Variants in MED12L observed in about 807,000 individuals in gnomAD.
MED12L encodes the protein mediator of RNA polymerase II transcription subunit 12-like protein.
Under a neutral mutation model 281.3 loss-of-function variants are expected in MED12L, and 60 were observed. That is an observed-to-expected ratio of 0.21 (90% CI 0.17 to 0.26). The LOEUF (loss-of-function observed/expected upper bound fraction) is 0.26. Ranked by LOEUF, MED12L falls within the 10% of genes least tolerant of loss-of-function variation. MED12L has a pLI of 1.00. For missense variants in MED12L, 2,146 were observed against 2,680.9 expected, an observed-to-expected ratio of 0.80 and a Z score of 4.41; for synonymous variants, 974 against 987.2, an observed-to-expected ratio of 0.99 and a Z score of 0.25.
At position 151,369,482 on chromosome 3, in the gene MED12L, A is replaced by T. The variant is rs1343117485; in HGVS notation, c.3597A>T (p.Leu1199Phe). 1 of 1,612,272 alleles carries T rather than the reference A, an allele frequency of 6.2e-7. No individual in the cohort carries two copies. Among genetic ancestry groups the T allele is most frequent in the Non-Finnish European group, 8.5e-7 (1 of 1,178,872 alleles). Residue 1199 changes from leucine to phenylalanine, a missense_variant, in exon 26 of 45, where the codon TTA becomes TTT. Leu to Phe is a conservative substitution (Grantham distance 22, BLOSUM62 0). This residue lies in a region of MED12L where 404 missense variants were observed against 603.5 expected (regional missense o/e 0.67). Coordinates refer to ENST00000687756, the MANE Select transcript of MED12L (RefSeq NM_001393769.1). ...GATCATCTTGTGATAGACACCTCTT[A>T]GCCGCTGCTCACAACAGCATTGAAG... Reference protein sequence around the residue: ...GIRSSCDRHLLAAAHNSIEVG... With the variant: ...GIRSSCDRHLFAAAHNSIEVG...
intron 25 of MED12L, 71 bp downstream of exon 25, chr3:151,368,322 C>T (rs1398249053): frequency 3.1e-6 from 4 of 1,290,938 alleles, no homozygotes; most frequent in Non-Finnish European, 2.2e-6. Context: ...ACCAAATAGG[C>T]TGTCCCTTTC....
At position 151,242,167 on chromosome 3, in the gene MED12L, C is replaced by G. The variant is rs569839896; in HGVS notation, c.2250+48501C>G. Among the ~76,000 whole-genome samples the G allele has an allele frequency of 3.3e-5, 5 of 152,284 alleles. No homozygotes were observed. The South Asian group carries it at 1.0e-3, about 32-fold the overall frequency. On this transcript the variant is annotated intron_variant, in intron 16 of 44. Coordinates refer to ENST00000687756, the MANE Select transcript of MED12L (RefSeq NM_001393769.1). ...GATTGCTAGCACAGCAGTCTGAGAT[C>G]AAACTGCAAGGCAGCAACACGGCTG...
rs1383780730 is a variant in MED12L at position 151,141,174 on chromosome 3, T to TG, written c.556+13190_556+13191insG. Among the ~76,000 whole-genome samples the TG allele has an allele frequency of 9.1e-3, 1,118 of 122,714 alleles. 36 individuals are homozygous for TG. Among genetic ancestry groups the TG allele is most frequent in the African/African-American group, 0.042 (1,063 of 25,422 alleles). 80.5% of individuals were successfully genotyped at this position (122,714 alleles called of 152,430 possible). On this transcript the variant is annotated intron_variant, in intron 5 of 44. Transcript: ENST00000687756. ...GAGCCACCGTGCCTGGCGTTTTTTT[T>TG]TTTGTTTTTTTTGTTTTTTTTTTTT...
At chr3:151,260,409 G>T (rs1466931239) in intron 16 of MED12L, among the ~76,000 whole-genome samples, 1 of 152,114 alleles carries the variant, frequency 6.6e-6, no homozygotes, top group African/African-American at 2.4e-5. Flanking sequence ...GAGTGAGGTG[G>T]CATGATAGTG....
At chr3:151,388,326 A>G (rs1713744328) in intron 37 of MED12L, among the ~76,000 whole-genome samples, 154 bp downstream of exon 37, 1 of 152,210 alleles carries the variant, frequency 6.6e-6, no homozygotes, top group Non-Finnish European at 1.5e-5. Context: ...TGAATGGCAC[A>G]CAATGACTTG....
chr3:151,152,864 G>A (rs925118842), intron 5 of MED12L, among the ~76,000 whole-genome samples: 3 of 152,022 alleles, frequency 2.0e-5, no homozygotes, highest in Non-Finnish European at 2.9e-5. Flanking sequence ...GTGTAACACC[G>A]CCAGTGACCT....
chr3:151,425,813 C>G, intron 43 of MED12L: 2 of 442,738 alleles, frequency 4.5e-6, no homozygotes, highest in South Asian at 3.2e-5. Context: ...ACTAAGGATA[C>G]AAAAGCAGTG....
intron 36 of MED12L, among the ~76,000 whole-genome samples, chr3:151,387,235 G>A (rs976235923): frequency 5.3e-5 from 8 of 151,038 alleles, no homozygotes; most frequent in Non-Finnish European, 8.9e-5. Context: ...ATATAAGCTT[G>A]AGTTGAAAGA....
At chr3:151,156,091 G>A (rs1189448483) in intron 5 of MED12L, 70 bp from the exon 6 acceptor site, 1 of 1,308,906 alleles carries the variant, frequency 7.6e-7, no homozygotes, top group African/African-American at 1.5e-5. Context: ...AATCAGAATG[G>A]GGAAGAAAAC....
intron 16 of MED12L, chr3:151,294,460 A>G (rs774582377): frequency 8.7e-6 from 14 of 1,614,234 alleles, no homozygotes; most frequent in African/African-American, 1.3e-5. Context: ...GAAAGCAGGT[A>G]AAAAACACAG....
intron 16 of MED12L, among the ~76,000 whole-genome samples, chr3:151,322,359 T>A (rs1029093783): frequency 3.9e-5 from 6 of 151,966 alleles, no homozygotes; most frequent in Non-Finnish European, 8.8e-5. Context: ...GTAATTTTTT[T>A]TTTATTTTTT....
intron 43 of MED12L, among the ~76,000 whole-genome samples, chr3:151,429,950 C>T (rs1719294193): frequency 6.6e-6 from 1 of 152,140 alleles, no homozygotes; most frequent in Admixed American, 6.5e-5. Context: ...TTTCATTTTG[C>T]CAGTATTAAT....
intron 11 of MED12L, among the ~76,000 whole-genome samples, chr3:151,169,537 T>C (rs1721160167): frequency 6.6e-6 from 1 of 152,224 alleles, no homozygotes; most frequent in African/African-American, 2.4e-5. Flanking sequence ...CTTTGTGCAA[T>C]AGTGCCCTTC....
intron 16 of MED12L, among the ~76,000 whole-genome samples, chr3:151,206,286 G>GT (rs1210808775): frequency 6.6e-6 from 1 of 151,658 alleles, no homozygotes. Flanking sequence ...TTACTGAAAT[G>GT]GAGAATACAT....
chr3:151,214,912 T>C (rs976517093), intron 16 of MED12L, among the ~76,000 whole-genome samples: 3 of 152,216 alleles, frequency 2.0e-5, no homozygotes, highest in Admixed American at 2.0e-4. Context: ...TGATTGTTTT[T>C]TCCTAAAAGA....
At chr3:151,297,030 C>T (rs1420256230) in intron 16 of MED12L, among the ~76,000 whole-genome samples, 1 of 152,054 alleles carries the variant, frequency 6.6e-6, no homozygotes, top group Non-Finnish European at 1.5e-5. Context: ...TAATTCTTTC[C>T]CTTTTATTCC....
At chr3:151,383,268 T>G (rs942974222) in intron 33 of MED12L, among the ~76,000 whole-genome samples, 1 of 152,206 alleles carries the variant, frequency 6.6e-6, no homozygotes, top group African/African-American at 2.4e-5. Flanking sequence ...GCCTGATACT[T>G]TTGCAGTTGT....
At chr3:151,086,207 T>G (rs1719157866) in intron 1 of MED12L, among the ~76,000 whole-genome samples, 1 of 152,162 alleles carries the variant, frequency 6.6e-6, no homozygotes, top group Non-Finnish European at 1.5e-5. Flanking sequence ...TAGCTGCGGA[T>G]GCGCCACTGG....
chr3:151,225,599 C>A (rs754108010), intron 16 of MED12L, among the ~76,000 whole-genome samples: 6 of 152,184 alleles, frequency 3.9e-5, no homozygotes, highest in Non-Finnish European at 8.8e-5. Flanking sequence ...GAAACGGACA[C>A]TCAAACCGTA....
Sources: gnomAD v4.1 joint callset for allele counts (sites outside exome capture counted in the v4.1 genomes callset) on GRCh38, gnomAD v4.1.1 for gene constraint, gnomAD v4.1.1 regional missense constraint, MANE v1.5 for transcripts, NCBI Gene and HGNC (gene_info 2026-07-23, HGNC 2026-07-21) for gene names.